DENND1A: variants seen among roughly 807,000 people sequenced by gnomAD.
The protein encoded by DENND1A is DENN domain containing 1A, also known as DENN domain-containing protein 1A.
In DENND1A, 51 loss-of-function variants were observed where a neutral mutation model predicts 113.7. The observed-to-expected ratio is 0.45, with a 90% CI of 0.36 to 0.57. DENND1A has a LOEUF of 0.57. DENND1A is among the 20% of genes least tolerant of loss of function. The pLI is 0.00. For synonymous variants in DENND1A, 565 were observed against 570.8 expected (o/e 0.99, Z 0.14); for missense variants, 1,258 against 1,395.9 (o/e 0.90, Z 1.57).
At chr9:123,558,702 T>C (rs1239332058) in intron 12 of DENND1A, among the ~76,000 whole-genome samples, 1 of 152,222 alleles carries the variant, frequency 6.6e-6, no homozygotes, top group East Asian at 1.9e-4. Context: ...ATGGTGGCTG[T>C]TGCCCTCAAC....
chr9:123,440,165 C>T (rs1302094501), intron 19 of DENND1A, 195 bp downstream of exon 19: 2 of 597,430 alleles, frequency 3.3e-6, no homozygotes, highest in Non-Finnish European at 5.5e-6. Flanking sequence ...GCCGTGCTGT[C>T]TCCTCAAAAT....
chr9:123,507,336 T>C (rs2053043028), intron 13 of DENND1A, among the ~76,000 whole-genome samples: 1 of 152,260 alleles, frequency 6.6e-6, no homozygotes, highest in African/African-American at 2.4e-5. Context: ...ATAGATCTTA[T>C]TATATACAAA....
intron 2 of DENND1A, among the ~76,000 whole-genome samples, chr9:123,852,861 G>GA (rs916179204): frequency 1.3e-4 from 20 of 151,300 alleles, no homozygotes; most frequent in African/African-American, 4.4e-4. Flanking sequence ...TAAAAAGAAA[G>GA]AAAAAACCTT....
chr9:123,548,511 C>T (rs551314558), intron 13 of DENND1A, among the ~76,000 whole-genome samples: 1 of 152,290 alleles, frequency 6.6e-6, no homozygotes, highest in South Asian at 2.1e-4. Context: ...TTTGGAGGTT[C>T]CTCAAAAAGT....
intron 13 of DENND1A, among the ~76,000 whole-genome samples, chr9:123,532,869 T>C (rs1302536437): frequency 1.3e-5 from 2 of 152,288 alleles, no homozygotes; most frequent in Non-Finnish European, 2.9e-5. Context: ...GCAATGTGTA[T>C]TAATCAACAA....
intron 13 of DENND1A, among the ~76,000 whole-genome samples, chr9:123,480,322 G>T (rs2050233027): frequency 6.6e-6 from 1 of 152,116 alleles, no homozygotes; most frequent in Non-Finnish European, 1.5e-5. Context: ...GCCCGGCACT[G>T]CCCTTGTGAG....
In DENND1A at chr9:123,381,165, C is replaced by T. The variant is rs1342696804; in HGVS notation, c.*267G>A. On this transcript the variant is annotated 3_prime_UTR_variant, in exon 24 of 24. Transcript: ENST00000394215. The surrounding 1 kb of genome is among the most constrained non-coding windows in gnomAD (Gnocchi z 4.7). ...CCCAGCTGACCTCTTTAGTGCAAAACCCAATCAAGGGTGCCGAGGAGAGGC... is the reference window on the plus strand; with the variant it reads ...CCCAGCTGACCTCTTTAGTGCAAAATCCAATCAAGGGTGCCGAGGAGAGGC... The T allele has an allele frequency of 1.9e-6, 1 of 515,660 alleles. No homozygotes were observed. The highest frequency in any genetic ancestry group is 3.5e-6 in the Non-Finnish European group (1 of 285,052). 31.9% of individuals were successfully genotyped at this position (515,660 alleles called of 1,614,324 possible). A position where few individuals can be genotyped will look rare whatever the true frequency, so the allele number is the denominator to read the frequency against.
At chr9:123,681,485 G>C (rs1169564579) in intron 5 of DENND1A, among the ~76,000 whole-genome samples, 1 of 152,086 alleles carries the variant, frequency 6.6e-6, no homozygotes, top group Admixed American at 6.5e-5. Flanking sequence ...TGTAGGAAGG[G>C]GGCTGCAGCA....
chr9:123,545,553 G>A (rs1173907601), intron 13 of DENND1A, among the ~76,000 whole-genome samples: 1 of 151,792 alleles, frequency 6.6e-6, no homozygotes, highest in Non-Finnish European at 1.5e-5. Context: ...TGCAAGCTCC[G>A]CCTCCCGGGT....
chr9:123,693,146 G>A (rs1217839151), intron 5 of DENND1A, among the ~76,000 whole-genome samples: 1 of 152,110 alleles, frequency 6.6e-6, no homozygotes, highest in Non-Finnish European at 1.5e-5. Context: ...ATACAGCTAT[G>A]TAACCACCAC....
intron 11 of DENND1A, among the ~76,000 whole-genome samples, chr9:123,594,937 TC>T (rs2059617442): frequency 6.6e-6 from 1 of 152,184 alleles, no homozygotes; most frequent in Admixed American, 6.5e-5. Flanking sequence ...TATTCTAAAC[TC>T]TTTATTTCCT....
intron 13 of DENND1A, among the ~76,000 whole-genome samples, chr9:123,546,279 T>C (rs530231839): frequency 6.6e-6 from 1 of 152,176 alleles, no homozygotes; most frequent in South Asian, 2.1e-4. Context: ...CCGGGCGAGG[T>C]GGCTCACGCC....
At chr9:123,501,274 CCT>C (rs2052457841) in intron 13 of DENND1A, among the ~76,000 whole-genome samples, 1 of 152,160 alleles carries the variant, frequency 6.6e-6, no homozygotes, top group Admixed American at 6.5e-5. Flanking sequence ...GTCAGAATTT[CCT>C]CTCTTTTTAA....
At chr9:123,505,556 A>G (rs1256074283) in intron 13 of DENND1A, among the ~76,000 whole-genome samples, 1 of 152,182 alleles carries the variant, frequency 6.6e-6, no homozygotes, top group Non-Finnish European at 1.5e-5. Context: ...CATTAACTAA[A>G]CCAAACTCCC....
chr9:123,747,531 G>A (rs1199585360), intron 5 of DENND1A, among the ~76,000 whole-genome samples: 1 of 152,096 alleles, frequency 6.6e-6, no homozygotes, highest in East Asian at 1.9e-4. Context: ...TTTTGCATAA[G>A]ATCACTGGTA....
intron 13 of DENND1A, among the ~76,000 whole-genome samples, chr9:123,497,886 C>T (rs752739679): frequency 2.2e-4 from 33 of 150,096 alleles, no homozygotes; most frequent in Non-Finnish European, 4.3e-4. Flanking sequence ...GGAAATGGGA[C>T]ACTGATTTTA....
Position 123,380,496 on chromosome 9 carries a change from G to A in DENND1A, c.*936C>T, listed in dbSNP as rs1409191112. 3 of 152,458 alleles carry A rather than the reference G, an allele frequency of 2.0e-5. No homozygotes were observed. The highest frequency in any genetic ancestry group is 7.2e-5 in the African/African-American group (3 of 41,452). The allele number at this position is 152,458 out of a possible 1,614,324, so 9.4% of individuals were successfully genotyped here. On this transcript the variant is annotated 3_prime_UTR_variant, in exon 24 of 24. Transcript: ENST00000394215. ...GGGCCACTGCCTCGTTCCAACCCAG[G>A]AAGGCCAGCTGCCTTCCACATCAGT...
chr9:123,911,803 G>A (rs1023349943), intron 1 of DENND1A, among the ~76,000 whole-genome samples: 1 of 151,634 alleles, frequency 6.6e-6, no homozygotes, highest in Non-Finnish European at 1.5e-5. Context: ...CCATTCCCCT[G>A]CCTCAGCCTC....
intron 2 of DENND1A, among the ~76,000 whole-genome samples, chr9:123,810,735 C>T (rs1326096703): frequency 1.3e-5 from 2 of 150,166 alleles, no homozygotes; most frequent in African/African-American, 4.9e-5. Context: ...AGGAAGCCAA[C>T]ATTTCAATTT....
Sources: allele counts gnomAD v4.1 joint callset (sites outside exome capture counted in the v4.1 genomes callset), GRCh38; gene constraint gnomAD v4.1.1; non-coding constraint Gnocchi (gnomAD v3.1); transcripts MANE v1.5; gene names NCBI Gene and HGNC (gene_info 2026-07-23, HGNC 2026-07-21).